Variants in DGKG observed in about 807,000 individuals in gnomAD.
DGKG encodes DAG kinase gamma.
A neutral mutation model predicts 105.3 loss-of-function variants in DGKG; 78 were observed. The ratio of observed to expected loss-of-function variants is 0.74; its 90% CI spans 0.62 to 0.89. The LOEUF is 0.89. Among genes scored for constraint, DGKG ranks in the 40% least tolerant of loss-of-function variants. The pLI, the probability that DGKG is intolerant of heterozygous loss-of-function variation, is 0.00. For missense variants in DGKG, 958 were observed against 1,020.1 expected, an observed-to-expected ratio of 0.94 and a Z score of 0.83; for synonymous variants, 346 against 367.1, an observed-to-expected ratio of 0.94 and a Z score of 0.66.
At chr3:186,263,221 C>T (rs981991109) in intron 14 of DGKG, among the ~76,000 whole-genome samples, 1 of 152,144 alleles carries the variant, frequency 6.6e-6, no homozygotes, top group Non-Finnish European at 1.5e-5. Context: ...ATTCAAGAGA[C>T]ATCTCTATGA....
intron 10 of DGKG, among the ~76,000 whole-genome samples, chr3:186,274,941 T>G (rs1217561925): frequency 6.6e-6 from 1 of 152,196 alleles, no homozygotes; most frequent in Admixed American, 6.5e-5. Flanking sequence ...TTTCTAGTTC[T>G]AGATCCTTGA....
chr3:186,268,452 T>G (rs1459824039), intron 12 of DGKG, among the ~76,000 whole-genome samples: 1 of 152,168 alleles, frequency 6.6e-6, no homozygotes, highest in African/African-American at 2.4e-5. Flanking sequence ...TGTTGTCCAA[T>G]TTTTCTCCCA....
At chr3:186,174,328 G>A (rs1182602976) in intron 22 of DGKG, among the ~76,000 whole-genome samples, 1 of 152,172 alleles carries the variant, frequency 6.6e-6, no homozygotes, top group African/African-American at 2.4e-5. Flanking sequence ...TACTCAAGAA[G>A]TTCCGACTTT....
chr3:186,225,653 C>G (rs985528866), intron 20 of DGKG, among the ~76,000 whole-genome samples: 1 of 152,104 alleles, frequency 6.6e-6, no homozygotes, highest in Non-Finnish European at 1.5e-5. Flanking sequence ...ACTGGCTGCT[C>G]CCTTTACACA....
At chr3:186,287,216 C>T (rs1271208995) in intron 6 of DGKG, among the ~76,000 whole-genome samples, 1 of 151,930 alleles carries the variant, frequency 6.6e-6, no homozygotes, top group Non-Finnish European at 1.5e-5. Context: ...TGAATACTGA[C>T]TATTTGATAA....
chr3:186,276,353 G>C (rs1722589218), intron 9 of DGKG, among the ~76,000 whole-genome samples: 1 of 152,166 alleles, frequency 6.6e-6, no homozygotes, highest in Non-Finnish European at 1.5e-5. Flanking sequence ...TTATATAATA[G>C]ATCTTTGATG....
rs1400832931 is a variant in DGKG, at chr3:186,327,320, G to T, written c.-248-6613C>A. 2.0e-5 allele frequency among the ~76,000 whole-genome samples: 3 copies of T among 150,824 alleles called. No individual in the cohort carries two copies. The East Asian group carries it at 5.8e-4, about 29-fold the overall frequency. On this transcript the variant is annotated intron_variant, in intron 1 of 24. Transcript: ENST00000265022. ...GTTTTGCACATGTGAGAAGATATGT[G>T]AATATCTTATTTCCCCCTTTCCTCC... is the stretch of plus-strand genomic sequence containing the variant.
chr3:186,295,638 T>TAAAAAAAAAAAAAAAAAAAAAAA (rs34829528), intron 5 of DGKG, among the ~76,000 whole-genome samples: 7 of 84,510 alleles, frequency 8.3e-5, no homozygotes, highest in African/African-American at 2.5e-4. Flanking sequence ...TAATGCACAG[T>TAAAAAAAAAAAAAAAAAAAAAAA]AAAAAAAAAA....
At chr3:186,163,133 G>A (rs1166953240) in intron 23 of DGKG, among the ~76,000 whole-genome samples, 1 of 152,082 alleles carries the variant, frequency 6.6e-6, no homozygotes, top group Non-Finnish European at 1.5e-5. Context: ...AACCTCCTGA[G>A]TAGCTAGGAC....
At chr3:186,152,896 T>A (rs1182088032) in intron 24 of DGKG, among the ~76,000 whole-genome samples, 1 of 151,272 alleles carries the variant, frequency 6.6e-6, no homozygotes, top group East Asian at 2.0e-4. Context: ...TCTCCTGACC[T>A]CATGATCCGC....
At chr3:186,334,049 A>G (rs1725716141) in intron 1 of DGKG, among the ~76,000 whole-genome samples, 1 of 152,040 alleles carries the variant, frequency 6.6e-6, no homozygotes, top group African/African-American at 2.4e-5. Flanking sequence ...TCTTCTGCCA[A>G]CGCCTGATCT....
At chr3:186,317,057 G>A (rs1724851684) in intron 2 of DGKG, among the ~76,000 whole-genome samples, 1 of 152,228 alleles carries the variant, frequency 6.6e-6, no homozygotes, top group African/African-American at 2.4e-5. Context: ...AAGGACAAAG[G>A]TAAATGTTTA....
chr3:186,286,027 C>T (rs1265074975), intron 6 of DGKG, among the ~76,000 whole-genome samples: 2 of 152,188 alleles, frequency 1.3e-5, no homozygotes, highest in African/African-American at 4.8e-5. Flanking sequence ...GCTTTCTCTG[C>T]GGAGCACCCG....
chr3:186,324,689 C>A (rs1466717191), intron 1 of DGKG, among the ~76,000 whole-genome samples: 1 of 152,120 alleles, frequency 6.6e-6, no homozygotes, highest in Non-Finnish European at 1.5e-5. Context: ...AAGACAAAAA[C>A]AGATACTGGT....
chr3:186,250,554 A>ATTTTTTTTTTTTTTT (rs1165295513), intron 19 of DGKG, among the ~76,000 whole-genome samples: 9 of 27,598 alleles, frequency 3.3e-4, no homozygotes, highest in African/African-American at 7.5e-4. Context: ...TAATTCTGTC[A>ATTTTTTTTTTTTTTT]TTCTTTTTTT....
chr3:186,262,402 C>T (rs1302393389), intron 14 of DGKG, among the ~76,000 whole-genome samples: 1 of 152,184 alleles, frequency 6.6e-6, no homozygotes. Flanking sequence ...AAGGTCTTGT[C>T]CTGCCAAGTC....
At chr3:186,278,071 G>A (rs1007817334) in intron 9 of DGKG, among the ~76,000 whole-genome samples, 1 of 152,148 alleles carries the variant, frequency 6.6e-6, no homozygotes, top group Non-Finnish European at 1.5e-5. Context: ...AGGCTGATCT[G>A]GCATTTAGGG....
intron 24 of DGKG, among the ~76,000 whole-genome samples, chr3:186,151,221 AAC>A (rs1354392452): frequency 2.6e-5 from 4 of 152,260 alleles, no homozygotes; most frequent in Admixed American, 2.6e-4. Context: ...AATGGAAAGT[AAC>A]AGTTAGTAAA....
At chr3:186,258,467 T>C (rs1721590725) in intron 16 of DGKG, among the ~76,000 whole-genome samples, 1 of 152,198 alleles carries the variant, frequency 6.6e-6, no homozygotes, top group Non-Finnish European at 1.5e-5. Flanking sequence ...TTCTATGGAT[T>C]GGATTCAGAG....
Sources: allele counts gnomAD v4.1 joint callset (sites outside exome capture counted in the v4.1 genomes callset), GRCh38; gene constraint gnomAD v4.1.1; transcripts MANE v1.5; gene names NCBI Gene and HGNC (gene_info 2026-07-23, HGNC 2026-07-21).